The following MEIS2 variants were observed in gnomAD, a reference collection of about 807,000 sequenced individuals.
MEIS2 encodes Meis homeobox 2, also known as homeobox protein Meis2.
Under a neutral mutation model 58.6 loss-of-function variants are expected in MEIS2, and 9 were observed. The ratio of observed to expected loss-of-function variants is 0.15; its 90% CI spans 0.09 to 0.27. MEIS2 has a LOEUF of 0.27. Ranked by LOEUF, MEIS2 falls within the 10% of genes least tolerant of loss-of-function variation. MEIS2 has a pLI of 1.00. For missense variants in MEIS2, 427 were observed against 635.0 expected, an observed-to-expected ratio of 0.67 and a Z score of 3.52; for synonymous variants, 221 against 228.4, an observed-to-expected ratio of 0.97 and a Z score of 0.29.
intron 6 of MEIS2, among the ~76,000 whole-genome samples, chr15:37,085,499 C>T (rs142471474): frequency 1.6e-3 from 247 of 152,240 alleles, no homozygotes; most frequent in African/African-American, 5.5e-3. Context: ...TACAGATCTG[C>T]AGCAAACTGA....
intron 6 of MEIS2, among the ~76,000 whole-genome samples, chr15:37,087,218 G>A (rs1892996661): frequency 6.6e-6 from 1 of 152,098 alleles, no homozygotes; most frequent in Non-Finnish European, 1.5e-5. Flanking sequence ...GACACCCGAG[G>A]GCAAGGAGTG....
At chr15:37,083,418 A>G (rs1462633940) in intron 7 of MEIS2, among the ~76,000 whole-genome samples, 1 of 152,200 alleles carries the variant, frequency 6.6e-6, no homozygotes, top group East Asian at 1.9e-4. Context: ...TACAGGCAAA[A>G]TATGCTATTT....
At chr15:36,950,545 T>A in intron 8 of MEIS2, 145 bp from the exon 9 acceptor site, 1 of 749,850 alleles carries the variant, frequency 1.3e-6, no homozygotes, top group Non-Finnish European at 2.2e-6. Flanking sequence ...TGTTGAGAAA[T>A]GTGGGCAGGG....
chr15:37,083,626 A>T, intron 7 of MEIS2, 145 bp downstream of exon 7: 1 of 558,298 alleles, frequency 1.8e-6, no homozygotes, highest in Non-Finnish European at 3.1e-6. Flanking sequence ...AGAAGAGGAA[A>T]TACTGTCTCT....
intron 7 of MEIS2, among the ~76,000 whole-genome samples, chr15:37,071,514 GT>G (rs1015449542): frequency 5.9e-5 from 9 of 152,018 alleles, no homozygotes; most frequent in Admixed American, 5.2e-4. Context: ...CATGATGTTT[GT>G]TGCATGGGGT....
chr15:36,954,688 A>G (rs1172917261), intron 8 of MEIS2, among the ~76,000 whole-genome samples: 1 of 152,060 alleles, frequency 6.6e-6, no homozygotes, highest in Admixed American at 6.5e-5. Flanking sequence ...CTGGTCTACA[A>G]AGCTGACCAG....
In MEIS2 at chr15:36,892,315, C is replaced by A; in HGVS notation, c.1292G>T (p.Ser431Ile). ...CATCATGGCTGGGTGGTGGGGATGGCTTGGCAAATATGAATGCATTGGGGG... is the reference window on the plus strand; with the variant it reads ...CATCATGGCTGGGTGGTGGGGATGGATTGGCAAATATGAATGCATTGGGGG... ...HGPPMHSYLP[S>I]HPHHPAMMMH... The change falls in exon 12 of 12, where the codon AGC becomes ATC. Residue 431 changes from serine (S) to isoleucine (I), a missense_variant. By Grantham distance (142) the Ser-to-Ile change is moderately radical. This residue lies in a region of MEIS2 where 154 missense variants were observed against 148.1 expected (regional missense o/e 1.04). Coordinates refer to ENST00000561208, the MANE Select transcript of MEIS2 (RefSeq NM_170675.5). 6.2e-7 allele frequency: 1 copy of A among 1,613,552 alleles called. No individual in the cohort carries two copies. The highest frequency in any genetic ancestry group is 1.1e-5 in the South Asian group (1 of 91,008).
intron 9 of MEIS2, among the ~76,000 whole-genome samples, chr15:36,907,652 C>T (rs770850783): frequency 2.6e-5 from 4 of 152,136 alleles, no homozygotes; most frequent in African/African-American, 4.8e-5. Context: ...TCAATACCAC[C>T]GCTTTCTTTA....
intron 8 of MEIS2, among the ~76,000 whole-genome samples, chr15:37,030,283 C>A (rs1008422221): frequency 6.6e-6 from 1 of 152,200 alleles, no homozygotes; most frequent in African/African-American, 2.4e-5. Flanking sequence ...CTAGCTTCAA[C>A]AAGCAGCCAC....
intron 8 of MEIS2, among the ~76,000 whole-genome samples, chr15:37,018,962 T>C (rs542228908): frequency 1.5e-3 from 221 of 152,270 alleles, no homozygotes; most frequent in Non-Finnish European, 2.3e-3. Flanking sequence ...AGGTCGGTCA[T>C]TGATGGTCCC....
chr15:37,085,120 C>T (rs1321448555), intron 6 of MEIS2, among the ~76,000 whole-genome samples: 1 of 151,928 alleles, frequency 6.6e-6, no homozygotes, highest in Non-Finnish European at 1.5e-5. Flanking sequence ...TCGAAGTATA[C>T]AAATTATACA....
chr15:36,998,293 G>C (rs1354355023), intron 8 of MEIS2, among the ~76,000 whole-genome samples: 1 of 126,072 alleles, frequency 7.9e-6, no homozygotes, highest in Non-Finnish European at 1.6e-5. Context: ...CTGGAGTACA[G>C]TGGTGCAATC....
chr15:37,034,869 ACTTGG>A (rs1312514909), intron 8 of MEIS2, among the ~76,000 whole-genome samples: 1 of 152,038 alleles, frequency 6.6e-6, no homozygotes, highest in African/African-American at 2.4e-5. Flanking sequence ...AGAGTTGGGG[ACTTGG>A]AAGTCTCGGG....
At chr15:36,990,037 C>T (rs2060217927) in intron 8 of MEIS2, among the ~76,000 whole-genome samples, 4 of 152,098 alleles carry the variant, frequency 2.6e-5, no homozygotes, top group South Asian at 2.1e-4. Flanking sequence ...CTCCGCCTCC[C>T]GGGTTCATGC....
intron 8 of MEIS2, among the ~76,000 whole-genome samples, chr15:36,974,095 A>G (rs1247471132): frequency 1.3e-5 from 2 of 152,192 alleles, no homozygotes; most frequent in African/African-American, 4.8e-5. Context: ...GAAGAGTGTC[A>G]CCAAACTTTC....
intron 9 of MEIS2, among the ~76,000 whole-genome samples, chr15:36,899,309 T>G (rs1314148297): frequency 2.6e-5 from 4 of 152,074 alleles, no homozygotes; most frequent in Non-Finnish European, 5.9e-5. Context: ...CTATGAAAAT[T>G]AACAATTAAT....
intron 7 of MEIS2, among the ~76,000 whole-genome samples, chr15:37,056,637 T>C (rs995923140): frequency 6.6e-6 from 1 of 152,186 alleles, no homozygotes; most frequent in African/African-American, 2.4e-5. Flanking sequence ...GCTCACTGCC[T>C]TGTGTCTCAA....
At chr15:37,050,687 C>G (rs1189899495) in intron 7 of MEIS2, 1 of 152,184 alleles carries the variant, frequency 6.6e-6, no homozygotes, top group African/African-American at 2.4e-5. Flanking sequence ...GTCCCTCCAC[C>G]CTGCCCCTCC....
chr15:36,941,977 G>A (rs1039101748), intron 9 of MEIS2, among the ~76,000 whole-genome samples: 1 of 152,088 alleles, frequency 6.6e-6, no homozygotes, highest in Non-Finnish European at 1.5e-5. Flanking sequence ...TTAGGAGGTC[G>A]ACATTAAACA....
Sources: gnomAD v4.1 joint callset for allele counts (sites outside exome capture counted in the v4.1 genomes callset) on GRCh38, gnomAD v4.1.1 for gene constraint, gnomAD v4.1.1 regional missense constraint, MANE v1.5 for transcripts, NCBI Gene and HGNC (gene_info 2026-07-23, HGNC 2026-07-21) for gene names.